LRRTM4: variants seen among roughly 807,000 people sequenced by gnomAD.
LRRTM4 encodes the protein leucine-rich repeat transmembrane neuronal protein 4.
In LRRTM4, 25 loss-of-function variants were observed where a neutral mutation model predicts 47.6. The ratio of observed to expected loss-of-function variants is 0.53; its 90% CI spans 0.38 to 0.73. The LOEUF is 0.73. LRRTM4 is among the 30% of genes least tolerant of loss of function. The pLI is 0.00. For missense variants in LRRTM4, 638 were observed against 713.4 expected (o/e 0.89, Z 1.20); for synonymous variants, 311 against 269.5 (o/e 1.15, Z -1.51).
chr2:76,817,568 C>T (rs1670936985), intron 3 of LRRTM4, among the ~76,000 whole-genome samples: 1 of 151,884 alleles, frequency 6.6e-6, no homozygotes, highest in South Asian at 2.1e-4. Context: ...CAAGGTCACA[C>T]AGCTAGTAAA....
chr2:77,187,840 A>G (rs932779583), intron 3 of LRRTM4, among the ~76,000 whole-genome samples: 12 of 152,108 alleles, frequency 7.9e-5, no homozygotes, highest in Admixed American at 7.9e-4. Context: ...ATCAAGGGAC[A>G]AAAAATTAAA....
At chr2:77,093,822 G>A (rs1670726796) in intron 3 of LRRTM4, among the ~76,000 whole-genome samples, 1 of 151,746 alleles carries the variant, frequency 6.6e-6, no homozygotes, top group Admixed American at 6.6e-5. Context: ...AGTGTAAATG[G>A]CCGGTCCTTG....
chr2:77,261,678 A>G (rs1177613861), intron 3 of LRRTM4, among the ~76,000 whole-genome samples: 2 of 152,124 alleles, frequency 1.3e-5, no homozygotes, highest in African/African-American at 4.8e-5. Context: ...ATAACTGATC[A>G]TGGTGGAGAG....
intron 3 of LRRTM4, among the ~76,000 whole-genome samples, chr2:77,337,105 G>T (rs1452781261): frequency 7.9e-5 from 12 of 152,022 alleles, no homozygotes; most frequent in African/African-American, 2.9e-4. Flanking sequence ...ATTTAAGACT[G>T]TAATTACATT....
chr2:77,240,079 A>C (rs1675215918), intron 3 of LRRTM4, among the ~76,000 whole-genome samples: 1 of 151,950 alleles, frequency 6.6e-6, no homozygotes, highest in South Asian at 2.1e-4. Flanking sequence ...TAATAACAAA[A>C]AGTGTGTCTC....
At chr2:77,186,407 T>C (rs1314167207) in intron 3 of LRRTM4, among the ~76,000 whole-genome samples, 1 of 152,198 alleles carries the variant, frequency 6.6e-6, no homozygotes, top group Non-Finnish European at 1.5e-5. Flanking sequence ...CTCAGTCATC[T>C]TGCTGGATTT....
At chr2:76,929,872 G>C (rs1437847372) in intron 3 of LRRTM4, among the ~76,000 whole-genome samples, 1 of 151,426 alleles carries the variant, frequency 6.6e-6, no homozygotes, top group Non-Finnish European at 1.5e-5. Flanking sequence ...TTTAAAAGTA[G>C]GTGAATATGT....
chr2:77,097,405 A>T (rs567067282), intron 3 of LRRTM4, among the ~76,000 whole-genome samples: 2 of 152,126 alleles, frequency 1.3e-5, no homozygotes, highest in South Asian at 4.1e-4. Context: ...TGCATTTGGT[A>T]GTTTGAAAAT....
chr2:77,046,523 G>A (rs1444641956), intron 3 of LRRTM4, among the ~76,000 whole-genome samples: 3 of 151,906 alleles, frequency 2.0e-5, no homozygotes, highest in Non-Finnish European at 2.9e-5. Context: ...CAATGATGAT[G>A]TCCCTGGAGG....
chr2:77,308,717 C>T (rs1204672966), intron 3 of LRRTM4, among the ~76,000 whole-genome samples: 2 of 152,052 alleles, frequency 1.3e-5, no homozygotes, highest in Non-Finnish European at 2.9e-5. Flanking sequence ...ACAAAGTTTG[C>T]TAAAAGACCT....
At chr2:76,891,809 G>A (rs976535677) in intron 3 of LRRTM4, among the ~76,000 whole-genome samples, 3 of 151,610 alleles carry the variant, frequency 2.0e-5, no homozygotes, top group Non-Finnish European at 4.4e-5. Flanking sequence ...AATAGATGAA[G>A]CCTTTCTAAT....
chr2:76,949,765 G>A (rs1217908442), intron 3 of LRRTM4, among the ~76,000 whole-genome samples: 3 of 151,886 alleles, frequency 2.0e-5, no homozygotes, highest in Non-Finnish European at 4.4e-5. Flanking sequence ...CATTAAGATA[G>A]TTTAAATCAC....
chr2:77,443,771 T>G (rs537581507), intron 3 of LRRTM4, among the ~76,000 whole-genome samples: 1 of 152,274 alleles, frequency 6.6e-6, no homozygotes, highest in Non-Finnish European at 1.5e-5. Context: ...ACAGCATCCC[T>G]AACATTGACA....
chr2:77,221,384 T>G (rs962011333), intron 3 of LRRTM4, among the ~76,000 whole-genome samples: 16 of 152,164 alleles, frequency 1.1e-4, no homozygotes, highest in Non-Finnish European at 1.8e-4. Flanking sequence ...ATGGGCTAAG[T>G]GCTCCAAATA....
intron 3 of LRRTM4, chr2:77,009,279 G>A (rs1677780164): frequency 6.6e-6 from 1 of 152,122 alleles, no homozygotes; most frequent in East Asian, 1.9e-4. Context: ...GCGTCTGTAA[G>A]AAATACTATT....
chr2:77,519,377 C>G lies in LRRTM4; in HGVS notation c.492G>C (p.Leu164Phe), dbSNP rs779230389. ...KGLRKLIILH[L>F]RSNSLKTVPI... ...GCACAGTCTTTAGTGAGTTAGATCT[C>G]AAGTGCAAAATGATGAGTTTCCGAA... The change falls in exon 3 of 4, where the codon TTG becomes TTC. Residue 164 changes from leucine to phenylalanine, a missense_variant. Physicochemically the swap from Leu to Phe is conservative, Grantham distance 22. Coordinates refer to ENST00000409884, the MANE Select transcript of LRRTM4 (RefSeq NM_001134745.3). The surrounding 1 kb of genome is among the most constrained non-coding windows in gnomAD (Gnocchi z 4.6). The G allele has an allele frequency of 1.2e-6, 2 of 1,613,356 alleles. No homozygotes were observed. Among genetic ancestry groups the G allele is most frequent in the Non-Finnish European group, 1.7e-6 (2 of 1,179,594 alleles).
chr2:77,049,880 T>G (rs770169977), intron 3 of LRRTM4, among the ~76,000 whole-genome samples: 2 of 152,048 alleles, frequency 1.3e-5, no homozygotes, highest in African/African-American at 2.4e-5. Flanking sequence ...CCAATGTTCT[T>G]TAGTGTTTCC....
chr2:77,513,592 T>G (rs1052291499), intron 3 of LRRTM4, among the ~76,000 whole-genome samples: 27 of 152,044 alleles, frequency 1.8e-4, no homozygotes, highest in African/African-American at 6.3e-4. Flanking sequence ...TATTTTGAGA[T>G]GAGTCTTGTT....
intron 3 of LRRTM4, among the ~76,000 whole-genome samples, chr2:76,799,179 G>T (rs200631627): frequency 0.054 from 6,891 of 126,656 alleles, 247 homozygotes; most frequent in Middle Eastern, 0.12. Flanking sequence ...TATCCTTGAT[G>T]AACATTGATG....
Sources: gnomAD v4.1 joint callset for allele counts (sites outside exome capture counted in the v4.1 genomes callset) on GRCh38, gnomAD v4.1.1 for gene constraint, Gnocchi (gnomAD v3.1) non-coding constraint, MANE v1.5 for transcripts, NCBI Gene and HGNC (gene_info 2026-07-23, HGNC 2026-07-21) for gene names.